The following CLVS1 variants were observed in gnomAD, a reference collection of about 807,000 sequenced individuals.
CLVS1 encodes clavesin-1.
Under a neutral mutation model 33.1 loss-of-function variants are expected in CLVS1, and 10 were observed. The ratio of observed to expected loss-of-function variants is 0.30; its 90% CI spans 0.19 to 0.51. CLVS1 has a LOEUF of 0.51. Ranked by LOEUF, CLVS1 falls within the 20% of genes least tolerant of loss-of-function variation. The pLI is 0.97. For synonymous variants in CLVS1, 163 were observed against 166.1 expected (o/e 0.98, Z 0.14); for missense variants, 343 against 433.4 (o/e 0.79, Z 1.85).
At chr8:61,027,031 A>G in the CLVS1 span, among the ~76,000 whole-genome samples, 1 of 152,228 alleles carries the variant, frequency 6.6e-6, no homozygotes, top group Non-Finnish European at 1.5e-5. Context: ...CTGCAGGATT[A>G]CTAATGGATA....
chr8:61,195,459 A>G (rs544045261), intron 2 of CLVS1, among the ~76,000 whole-genome samples: 2 of 152,168 alleles, frequency 1.3e-5, no homozygotes, highest in East Asian at 1.9e-4. Context: ...CTTATCATGT[A>G]AAACAAACAG....
At chr8:61,351,577 T>C (rs1812464112) in intron 2 of CLVS1, among the ~76,000 whole-genome samples, 1 of 151,800 alleles carries the variant, frequency 6.6e-6, no homozygotes, top group African/African-American at 2.4e-5. Flanking sequence ...AAATACAAAC[T>C]TACAGATCCC....
chr8:61,406,587 C>T (rs916468058), intron 3 of CLVS1, among the ~76,000 whole-genome samples: 48 of 151,578 alleles, frequency 3.2e-4, no homozygotes, highest in Middle Eastern at 3.4e-3. Flanking sequence ...CACATGATTC[C>T]AGGAGGTTTG....
chr8:61,286,080 A>C (rs1809773885), upstream of CLVS1, among the ~76,000 whole-genome samples: 1 of 152,052 alleles, frequency 6.6e-6, no homozygotes, highest in Non-Finnish European at 1.5e-5. Flanking sequence ...GTAATGCTAG[A>C]AGAACAAATT....
chr8:61,265,181 C>T (rs1240519358), intron 2 of CLVS1, among the ~76,000 whole-genome samples: 1 of 152,182 alleles, frequency 6.6e-6, no homozygotes, highest in Non-Finnish European at 1.5e-5. Context: ...CTATACTGAG[C>T]TACTCTCTGC....
intron 2 of CLVS1, among the ~76,000 whole-genome samples, chr8:61,274,728 A>G (rs1241994541): frequency 6.6e-6 from 1 of 152,214 alleles, no homozygotes; most frequent in Non-Finnish European, 1.5e-5. Context: ...TGAGTAGCTT[A>G]AAACTGATTT....
intron 2 of CLVS1, among the ~76,000 whole-genome samples, chr8:61,281,488 G>T (rs1286316130): frequency 1.3e-5 from 2 of 152,148 alleles, no homozygotes; most frequent in Non-Finnish European, 2.9e-5. Context: ...CAGTAAGAAG[G>T]TAGCCATCTG....
At chr8:61,256,812 A>G (rs1809093753) in intron 2 of CLVS1, among the ~76,000 whole-genome samples, 1 of 152,168 alleles carries the variant, frequency 6.6e-6, no homozygotes, top group Non-Finnish European at 1.5e-5. Flanking sequence ...ATTTTAGAAA[A>G]TTTCAAACCA....
At chr8:61,218,928 G>A (rs1202579949) in intron 2 of CLVS1, among the ~76,000 whole-genome samples, 1 of 152,116 alleles carries the variant, frequency 6.6e-6, no homozygotes, top group Admixed American at 6.6e-5. Context: ...TGGGCAACAA[G>A]AGTGAAACTT....
At chr8:61,018,651 G>A in the CLVS1 span, among the ~76,000 whole-genome samples, 5 of 152,342 alleles carry the variant, frequency 3.3e-5, no homozygotes, top group Admixed American at 1.3e-4. Flanking sequence ...TTGATTGTAC[G>A]TTTTCTGGAG....
chr8:61,494,443 G>T (rs889020186), intron 5 of CLVS1, among the ~76,000 whole-genome samples: 2 of 152,148 alleles, frequency 1.3e-5, no homozygotes, highest in African/African-American at 4.8e-5. Flanking sequence ...TGACCTTGGG[G>T]TTAAGCTGGC....
Position 61,272,727 on chromosome 8 carries a change from A to C in CLVS1, c.-151-26950A>C, listed in dbSNP as rs958670411. 2.0e-5 allele frequency among the ~76,000 whole-genome samples: 3 copies of C among 151,930 alleles called. No individual in the cohort carries two copies. In the South Asian group the frequency reaches 6.2e-4, roughly 32 times the overall value. Reference sequence around the variant, plus strand: ...CTTTTTTCTCTAAACTTCCCTTCTCACTTCATTTCATTCATTTCATCTTCC... The same window carrying C: ...CTTTTTTCTCTAAACTTCCCTTCTCCCTTCATTTCATTCATTTCATCTTCC... On this transcript the variant is annotated intron_variant, in intron 2 of 2. Coordinates refer to the CLVS1 transcript ENST00000522621.
chr8:61,228,022 T>C (rs1808364719), intron 2 of CLVS1, among the ~76,000 whole-genome samples: 1 of 152,190 alleles, frequency 6.6e-6, no homozygotes, highest in East Asian at 1.9e-4. Flanking sequence ...ACGAGTGCCC[T>C]TAGAAAGTGG....
chr8:61,310,362 G>A (rs1810788890), intron 2 of CLVS1, among the ~76,000 whole-genome samples: 1 of 152,194 alleles, frequency 6.6e-6, no homozygotes, highest in Non-Finnish European at 1.5e-5. Flanking sequence ...AGAGAGGTTA[G>A]GTGATCTGTC....
chr8:61,276,184 C>T (rs1809558985), intron 2 of CLVS1, among the ~76,000 whole-genome samples: 1 of 152,178 alleles, frequency 6.6e-6, no homozygotes, highest in Non-Finnish European at 1.5e-5. Context: ...GGACAAAATC[C>T]AGATTGGTAA....
intron 5 of CLVS1, among the ~76,000 whole-genome samples, chr8:61,496,512 T>C (rs763549222): frequency 1.3e-5 from 2 of 152,086 alleles, no homozygotes; most frequent in Non-Finnish European, 2.9e-5. Context: ...AAGAGAAAAA[T>C]GCACTGGAAA....
chr8:61,245,227 T>A (rs74581945), intron 2 of CLVS1, among the ~76,000 whole-genome samples: 9,561 of 152,062 alleles, frequency 0.063, 396 homozygotes, highest in Middle Eastern at 0.15. Context: ...TTTGACAGAG[T>A]CTTGCTCTGT....
At chr8:61,453,785 C>G (rs1159773373) in intron 3 of CLVS1, among the ~76,000 whole-genome samples, 1 of 152,168 alleles carries the variant, frequency 6.6e-6, no homozygotes, top group Non-Finnish European at 1.5e-5. Flanking sequence ...TGCTGAGAGC[C>G]TGTAAGCCTT....
At chr8:61,421,967 A>G (rs1229031389) in intron 3 of CLVS1, among the ~76,000 whole-genome samples, 1 of 152,142 alleles carries the variant, frequency 6.6e-6, no homozygotes, top group African/African-American at 2.4e-5. Flanking sequence ...CATCAGACCC[A>G]CATCTGAAAA....
Sources: gnomAD v4.1 joint callset for allele counts (sites outside exome capture counted in the v4.1 genomes callset) on GRCh38, gnomAD v4.1.1 for gene constraint, MANE v1.5 for transcripts, NCBI Gene and HGNC (gene_info 2026-07-23, HGNC 2026-07-21) for gene names.